The following CLCA1 variants were observed in gnomAD, a reference collection of about 807,000 sequenced individuals.
The protein encoded by CLCA1 is calcium-activated chloride channel regulator 1.
In CLCA1, 59 loss-of-function variants were observed where a neutral mutation model predicts 85.6. That is an observed-to-expected ratio of 0.69 (90% confidence interval 0.56 to 0.86). The LOEUF is 0.86. CLCA1 is among the 40% of genes least tolerant of loss of function. CLCA1 has a pLI of 0.00. For missense variants in CLCA1, 1,022 were observed against 1,101.4 expected, an observed-to-expected ratio of 0.93 and a Z score of 1.02; for synonymous variants, 396 against 398.3, an observed-to-expected ratio of 0.99 and a Z score of 0.07.
In CLCA1 at chr1:86,494,300, C is replaced by A. The variant is rs1171816419; in HGVS notation, c.1794C>A (p.Asn598Lys). ...CAATTACAGTGACTTCCAAAACGAA[C>A]AAGGACACCAGCAAATTCCCCAGCC... ...LPPITVTSKT[N>K]KDTSKFPSPL... Residue 598 changes from asparagine (N) to lysine (K), a missense_variant, in exon 11 of 14, where the codon AAC becomes AAA. By Grantham distance (94) the Asn-to-Lys change is moderately conservative (BLOSUM62 0). Coordinates refer to ENST00000394711, the MANE Select transcript of CLCA1 (RefSeq NM_001285.4). The A allele has an allele frequency of 1.9e-6, 3 of 1,614,138 alleles. No homozygotes were observed. Among genetic ancestry groups the A allele is most frequent in the Non-Finnish European group, 2.5e-6 (3 of 1,180,022 alleles).
chr1:86,485,051 G>T (rs1570284671), intron 5 of CLCA1, among the ~76,000 whole-genome samples: 1 of 152,138 alleles, frequency 6.6e-6, no homozygotes, highest in East Asian at 1.9e-4. Context: ...GCTGGAGAGG[G>T]TGCTATGGAG....
chr1:86,469,795 C>T (rs1647447706), intron 1 of CLCA1, among the ~76,000 whole-genome samples: 1 of 152,168 alleles, frequency 6.6e-6, no homozygotes, highest in South Asian at 2.1e-4. Context: ...TTATAAAAGA[C>T]CGCCCTGGAA....
Position 86,485,438 on chromosome 1 carries a change from T to G in CLCA1, c.831T>G (p.Arg277=). ...TCCGAAGCACATGGGAAGTGATCCG[T>G]GATTCTGAGGACTTTAAGAAAACCA... ...CNLRSTWEVI[R]DSEDFKKTTP... is the part of the protein sequence containing the mutation. Residue 277 remains arginine (R), a synonymous_variant, in exon 6 of 14, where the codon CGT becomes CGG. Transcript: ENST00000394711. 3.7e-6 allele frequency: 6 copies of G among 1,614,170 alleles called. No homozygotes were observed. Among genetic ancestry groups the G allele is most frequent in the Non-Finnish European group, 5.1e-6 (6 of 1,180,022 alleles).
chr1:86,498,518 GT>G, intron 12 of CLCA1, 53 bp from the exon 13 acceptor site: 1 of 1,572,880 alleles, frequency 6.4e-7, no homozygotes, highest in Non-Finnish European at 8.7e-7. Context: ...ACAGACGGAG[GT>G]GTCACCATTT....
intron 1 of CLCA1, among the ~76,000 whole-genome samples, chr1:86,470,636 G>T (rs1293990872): frequency 6.6e-6 from 1 of 152,140 alleles, no homozygotes; most frequent in Admixed American, 6.5e-5. Context: ...TGTCTTTCCA[G>T]TATGGATCCT....
Position 86,499,984 on chromosome 1 carries a change from G to A in CLCA1, c.2684G>A (p.Gly895Asp), listed in dbSNP as rs1318649380. ...PNIHINSTIPGIHILKIMWKW... is the reference protein window; with the variant it reads ...PNIHINSTIPDIHILKIMWKW... ...ATTCATATCAACAGCACCATTCCTG[G>A]CATTCACATTTTAAAAATTATGTGG... The change falls in exon 14 of 14, where the codon GGC becomes GAC. Residue 895 changes from glycine (G) to aspartate (D), a missense_variant. Physicochemically the swap from Gly to Asp is moderately conservative, Grantham distance 94 (BLOSUM62 -1). Coordinates refer to ENST00000394711, the MANE Select transcript of CLCA1 (RefSeq NM_001285.4). The A allele has an allele frequency of 6.2e-7, 1 of 1,612,486 alleles. No homozygotes were observed. The highest frequency in any genetic ancestry group is 2.2e-5 in the East Asian group (1 of 44,856).
At position 86,486,650 on chromosome 1, in the gene CLCA1, T is replaced by C; in HGVS notation, c.1079T>C (p.Ile360Thr). 1 of 1,614,146 alleles carries C rather than the reference T, an allele frequency of 6.2e-7. No individual in the cohort carries two copies. Among genetic ancestry groups the C allele is most frequent in the East Asian group, 2.2e-5 (1 of 44,884 alleles). Residue 360 changes from isoleucine (I) to threonine (T), a missense_variant, in exon 7 of 14, where the codon ATA (isoleucine) becomes ACA (threonine). Transcript: ENST00000394711. ...GCTGCCCATGTACAAAATGAACTCA[T>C]ACAGATAAACAGTGGCAGTGACAGG... ...DSAAHVQNEL[I>T]QINSGSDRDT...
intron 12 of CLCA1, among the ~76,000 whole-genome samples, 180 bp from the exon 13 acceptor site, chr1:86,498,392 T>C (rs2753356): frequency 6.6e-6 from 1 of 151,918 alleles, no homozygotes; most frequent in South Asian, 2.1e-4. Flanking sequence ...TGTTTTCTCT[T>C]TTCCCTCTGA....
chr1:86,495,401 C>T, intron 11 of CLCA1, 104 bp from the exon 12 acceptor site: 1 of 924,328 alleles, frequency 1.1e-6, no homozygotes, highest in Non-Finnish European at 1.6e-6. Flanking sequence ...GGAGCTAATG[C>T]TGAATTTCTT....
chr1:86,494,781 A>C (rs1648229497), intron 11 of CLCA1, among the ~76,000 whole-genome samples: 1 of 152,256 alleles, frequency 6.6e-6, no homozygotes, highest in Non-Finnish European at 1.5e-5. Flanking sequence ...ATACACATAC[A>C]TACATACACA....
chr1:86,485,512 T>G lies in CLCA1; in HGVS notation c.905T>G (p.Ile302Ser). The G allele has an allele frequency of 2.5e-6, 4 of 1,614,166 alleles. No individual in the cohort carries two copies. The highest frequency in any genetic ancestry group is 3.4e-6 in the Non-Finnish European group (4 of 1,180,016). The change falls in exon 6 of 14, where the codon ATT (isoleucine) becomes AGT (serine). Residue 302 changes from isoleucine to serine, a missense_variant. Coordinates refer to ENST00000394711, the MANE Select transcript of CLCA1 (RefSeq NM_001285.4). ...AATCCCACCTTCTCATTGCTGCAGA[T>G]TGGACAAAGAATTGTGTGTTTAGTC... Reference protein sequence around the residue: ...PPNPTFSLLQIGQRIVCLVLD... With the variant: ...PPNPTFSLLQSGQRIVCLVLD...
intron 1 of CLCA1, among the ~76,000 whole-genome samples, chr1:86,472,746 C>T (rs751452590): frequency 3.9e-5 from 6 of 151,968 alleles, no homozygotes; most frequent in Non-Finnish European, 8.8e-5. Context: ...AAAATAAATA[C>T]TTCTATCAGC....
intron 3 of CLCA1, 152 bp downstream of exon 3, chr1:86,474,028 A>G (rs1006548326): frequency 5.9e-6 from 3 of 507,964 alleles, no homozygotes; most frequent in Non-Finnish European, 9.9e-6. Context: ...TAGAACATGC[A>G]TTTCACTTAG....
rs753778586 is a variant in CLCA1 at position 86,482,195 on chromosome 1, A to G, written c.558-10A>G. ...CATCACCTAAACATCTAACCTTCCTATATTTTCAGATGTTCAGCAGGTATT... is the reference window on the plus strand; with the variant it reads ...CATCACCTAAACATCTAACCTTCCTGTATTTTCAGATGTTCAGCAGGTATT... On this transcript the variant is annotated splice_polypyrimidine_tract_variant and intron_variant, in intron 4 of 13. Coordinates refer to ENST00000394711, the MANE Select transcript of CLCA1 (RefSeq NM_001285.4). 6 of 1,608,408 alleles carry G rather than the reference A, an allele frequency of 3.7e-6. No homozygotes were observed. In the Admixed American group the frequency reaches 1.0e-4, roughly 27 times the overall value.
At chr1:86,498,461 G>C (rs1312513106) in intron 12 of CLCA1, 111 bp from the exon 13 acceptor site, 2 of 1,054,446 alleles carry the variant, frequency 1.9e-6, no homozygotes, top group East Asian at 2.4e-5. Flanking sequence ...TGTGTGGAAG[G>C]AAAGAAGCAG....
At position 86,498,618 on chromosome 1, in the gene CLCA1, T is replaced by C; in HGVS notation, c.2160T>C (p.Asp720=). ...NPPRPEINKD[D]VQHKQVCFSR... ...CAAGACCTGAAATTAATAAGGATGA[T>C]GTTCAACACAAGCAAGTGTGTTTCA... Residue 720 remains aspartate, a synonymous_variant, in exon 13 of 14, where the codon GAT becomes GAC. Coordinates refer to ENST00000394711, the MANE Select transcript of CLCA1 (RefSeq NM_001285.4). The C allele has an allele frequency of 6.2e-7, 1 of 1,613,764 alleles. No homozygotes were observed. Among genetic ancestry groups the C allele is most frequent in the Non-Finnish European group, 8.5e-7 (1 of 1,179,864 alleles).
intron 7 of CLCA1, among the ~76,000 whole-genome samples, chr1:86,488,685 G>A (rs1167126924): frequency 6.6e-6 from 1 of 152,168 alleles, no homozygotes; most frequent in African/African-American, 2.4e-5. Context: ...CTATCAAGGA[G>A]AGACCAAGTG....
chr1:86,471,519 G>T (rs1183965692), intron 1 of CLCA1, among the ~76,000 whole-genome samples: 1 of 152,172 alleles, frequency 6.6e-6, no homozygotes, highest in African/African-American at 2.4e-5. Flanking sequence ...CAATGTGGAA[G>T]ACAAGAGCAT....
At chr1:86,485,089 T>C (rs1647928032) in intron 5 of CLCA1, among the ~76,000 whole-genome samples, 3 of 151,748 alleles carry the variant, frequency 2.0e-5, no homozygotes, top group African/African-American at 7.3e-5. Context: ...AAATGGTAAA[T>C]TTGAGGAGTA....
Sources: allele counts gnomAD v4.1 joint callset (sites outside exome capture counted in the v4.1 genomes callset), GRCh38; gene constraint gnomAD v4.1.1; transcripts MANE v1.5; gene names NCBI Gene and HGNC (gene_info 2026-07-23, HGNC 2026-07-21).